CCDC187: variants seen among roughly 807,000 people sequenced by gnomAD.
CCDC187 encodes coiled-coil domain containing 187.
CCDC187 carries 32 observed loss-of-function variants against 38.0 expected under a neutral mutation model. The observed-to-expected ratio is 0.84, with a 90% CI of 0.64 to 1.13. CCDC187 has a LOEUF of 1.13. Among genes scored for constraint, CCDC187 ranks in the 50% most tolerant of loss-of-function variants. The pLI, the probability that CCDC187 is intolerant of heterozygous loss-of-function variation, is 0.00. For missense variants in CCDC187, 707 were observed against 786.8 expected, an observed-to-expected ratio of 0.90 and a Z score of 1.21; for synonymous variants, 333 against 347.9, an observed-to-expected ratio of 0.96 and a Z score of 0.48.
intron 19 of CCDC187, among the ~76,000 whole-genome samples, chr9:136,261,857 G>A (rs896354203): frequency 1.3e-5 from 2 of 152,202 alleles, no homozygotes; most frequent in Non-Finnish European, 2.9e-5. Context: ...AGGAGAGAAG[G>A]CCTCCTCGGC....
chr9:136,280,075 C>T (rs916536930), intron 10 of CCDC187, among the ~76,000 whole-genome samples: 32 of 152,370 alleles, frequency 2.1e-4, no homozygotes, highest in East Asian at 1.3e-3. Flanking sequence ...GATTCTGTTA[C>T]GACAGCATAA....
chr9:136,287,764 T>C (rs1311053732), intron 7 of CCDC187, among the ~76,000 whole-genome samples: 1 of 152,008 alleles, frequency 6.6e-6, no homozygotes, highest in Non-Finnish European at 1.5e-5. Context: ...GACAGGCAAA[T>C]CCATAGAGAC....
chr9:136,267,761 C>G (rs1395240686), intron 15 of CCDC187: 1 of 893,370 alleles, frequency 1.1e-6, no homozygotes, highest in Admixed American at 6.2e-5. Flanking sequence ...CAGCCCTGAT[C>G]CAGGAAGCCC....
Position 136,291,223 on chromosome 9 carries a change from AG to A in CCDC187, c.1389del (p.Trp464GlyfsTer72). On this transcript the variant is annotated frameshift_variant, in exon 6 of 26. Coordinates refer to ENST00000638797, the MANE Select transcript of CCDC187 (RefSeq NM_001378188.1). LOFTEE classifies it high-confidence loss of function. ...STARESCPQR[A>X]WGAQGQDRSF... is the part of the protein sequence containing the mutation. ...GAGCGGTCCTGTCCTTGGGCCCCCC[AG>A]GCCCTCTGCGGACAGGACTCCCGTG... 1 of 398,762 alleles carries A rather than the reference AG, an allele frequency of 2.5e-6. No individual in the cohort carries two copies. Among genetic ancestry groups the A allele is most frequent in the Non-Finnish European group, 4.4e-6 (1 of 226,168 alleles). The allele number at this position is 398,762 out of a possible 1,614,324, so 24.7% of individuals were successfully genotyped here.
intron 10 of CCDC187, among the ~76,000 whole-genome samples, chr9:136,279,436 C>T (rs1489541815): frequency 5.3e-5 from 8 of 152,322 alleles, no homozygotes; most frequent in African/African-American, 1.7e-4. Flanking sequence ...CACATTCCGC[C>T]CATAGGATGG....
intron 16 of CCDC187, 100 bp downstream of exon 16, chr9:136,267,284 A>C: frequency 1.7e-5 from 14 of 805,518 alleles, no homozygotes; most frequent in Non-Finnish European, 1.9e-5. Context: ...CACGGGCGGG[A>C]CCCGGACGGG....
Position 136,251,025 on chromosome 9 carries a change from C to G in CCDC187, c.*2569G>C, listed in dbSNP as rs192707057. ...GCTTTGCCACGCCAGCTTTGTGATG[C>G]CTCCCACCAGACTGCATGCATAAAG... On this transcript the variant is annotated 3_prime_UTR_variant, in exon 26 of 26. Transcript: ENST00000638797. 3 of 456,114 alleles carry G rather than the reference C, an allele frequency of 6.6e-6. No homozygotes were observed. Among genetic ancestry groups the G allele is most frequent in the African/African-American group, 4.0e-5 (2 of 50,086 alleles). 28.3% of individuals were successfully genotyped at this position (456,114 alleles called of 1,614,324 possible).
chr9:136,301,691 A>G (rs1015707121), intron 2 of CCDC187, among the ~76,000 whole-genome samples: 7,231 of 145,640 alleles, frequency 0.05, 208 homozygotes, highest in Admixed American at 0.1. Context: ...GATTCACGCC[A>G]TTCTCCTGCC....
At chr9:136,304,685 A>G (rs1588679548), upstream of CCDC187, among the ~76,000 whole-genome samples, 1 of 151,580 alleles carries the variant, frequency 6.6e-6, no homozygotes, top group African/African-American at 2.4e-5. Flanking sequence ...CTCCTTCCCC[A>G]CCCCCACTGG....
At chr9:136,300,788 C>T (rs1049313060) in intron 2 of CCDC187, among the ~76,000 whole-genome samples, 4 of 152,264 alleles carry the variant, frequency 2.6e-5, no homozygotes, top group East Asian at 1.9e-4. Context: ...TTAGTAGAGA[C>T]GGGGTTTCAC....
chr9:136,278,943 A>G (rs1427995681), intron 10 of CCDC187, among the ~76,000 whole-genome samples: 1 of 152,244 alleles, frequency 6.6e-6, no homozygotes, highest in Non-Finnish European at 1.5e-5. Flanking sequence ...GTTCTGGTGG[A>G]CAGTGTGGTG....
chr9:136,280,414 C>T (rs996165512), intron 10 of CCDC187, among the ~76,000 whole-genome samples: 14 of 152,112 alleles, frequency 9.2e-5, no homozygotes, highest in Admixed American at 2.6e-4. Flanking sequence ...GGGGAGGGGC[C>T]GGGGTGGGGA....
At chr9:136,261,017 A>C (rs1404058498) in intron 19 of CCDC187, among the ~76,000 whole-genome samples, 1 of 152,198 alleles carries the variant, frequency 6.6e-6, no homozygotes, top group Non-Finnish European at 1.5e-5. Context: ...CAGAAACAGA[A>C]CAGGCTGAAT....
At position 136,254,858 on chromosome 9, in the gene CCDC187, G is replaced by GA. The variant is rs1830594091; in HGVS notation, c.4969dup (p.Ser1657PhefsTer33). ...AGGCCAGCTGAAACCTTCGTCTGGG[G>GA]AGTCTTCAGCTTCCAAGCTGGGAAG... On this transcript the variant is annotated frameshift_variant, in exon 26 of 26. Coordinates refer to ENST00000638797, the MANE Select transcript of CCDC187 (RefSeq NM_001378188.1). LOFTEE classifies it low-confidence loss of function (END_TRUNC). The GA allele has an allele frequency of 1.0e-6, 1 of 985,382 alleles. No individual in the cohort carries two copies. The highest frequency in any genetic ancestry group is 6.1e-5 in the Admixed American group (1 of 16,268). 61.0% of individuals were successfully genotyped at this position (985,382 alleles called of 1,614,324 possible).
At chr9:136,304,489 A>G (rs1389105290), upstream of CCDC187, among the ~76,000 whole-genome samples, 3 of 152,194 alleles carry the variant, frequency 2.0e-5, no homozygotes, top group East Asian at 5.8e-4. Context: ...GGTGCAGGCC[A>G]GAAGACACCC....
chr9:136,266,132 C>T, intron 16 of CCDC187, 89 bp from the exon 17 acceptor site: 6 of 754,274 alleles, frequency 8.0e-6, no homozygotes, highest in Non-Finnish European at 9.7e-6. Flanking sequence ...CCTGGTCGGC[C>T]ACATCAACCT....
At chr9:136,289,650 T>C (rs1477748509) in intron 7 of CCDC187, among the ~76,000 whole-genome samples, 1 of 152,000 alleles carries the variant, frequency 6.6e-6, no homozygotes, top group Non-Finnish European at 1.5e-5. Flanking sequence ...GATGGAATGT[T>C]CCGGAACTCA....
At position 136,254,277 on chromosome 9, in the gene CCDC187, C is replaced by T. The variant is rs905534561; in HGVS notation, c.5551G>A (p.Glu1851Lys). Residue 1851 changes from glutamate to lysine, a missense_variant, in exon 26 of 26, where the codon GAG becomes AAG. Transcript: ENST00000638797. The stretch of plus-strand genomic sequence containing the variant: ...GTGTCTGACACCCCCATCAGGCTCT[C>T]GCTGGTCCCAGAAGCTTCCAGCCCC... Reference protein sequence around the residue: ...GEGLEASGTSESLMGVSDTGE... With the variant: ...GEGLEASGTSKSLMGVSDTGE... 2.9e-5 allele frequency: 28 copies of T among 980,426 alleles called. No individual in the cohort carries two copies. Among genetic ancestry groups the T allele is most frequent in the African/African-American group, 7.0e-5 (4 of 57,056 alleles). 60.7% of individuals were successfully genotyped at this position (980,426 alleles called of 1,614,324 possible).
chr9:136,251,011 C>T lies in CCDC187; in HGVS notation c.*2583G>A. ...CCTGGCATCTTAGGGCTTTGCCACG[C>T]CAGCTTTGTGATGCCTCCCACCAGA... On this transcript the variant is annotated 3_prime_UTR_variant, in exon 26 of 26. Transcript: ENST00000638797. The T allele has an allele frequency of 2.2e-6, 1 of 456,252 alleles. No individual in the cohort carries two copies. The highest frequency in any genetic ancestry group is 1.5e-5 in the South Asian group (1 of 64,572). 28.3% of individuals were successfully genotyped at this position (456,252 alleles called of 1,614,324 possible). A position where few individuals can be genotyped will look rare whatever the true frequency, so the allele number is the denominator to read the frequency against.
Sources: gnomAD v4.1 joint callset for allele counts (sites outside exome capture counted in the v4.1 genomes callset) on GRCh38, gnomAD v4.1.1 for gene constraint, MANE v1.5 for transcripts, NCBI Gene and HGNC (gene_info 2026-07-23, HGNC 2026-07-21) for gene names.